FRMD4A: variants seen among roughly 807,000 people sequenced by gnomAD.
FRMD4A encodes the protein FERM domain-containing protein 4A.
In FRMD4A, 29 loss-of-function variants were observed where a neutral mutation model predicts 129.1. The observed-to-expected ratio is 0.22, with a 90% CI of 0.17 to 0.31. FRMD4A has a LOEUF of 0.31. Among genes scored for constraint, FRMD4A ranks in the 10% least tolerant of loss-of-function variants. FRMD4A has a pLI of 1.00. For synonymous variants in FRMD4A, 634 were observed against 571.6 expected (o/e 1.11, Z -1.56); for missense variants, 1,272 against 1,375.8 (o/e 0.92, Z 1.19).
At chr10:14,325,188 G>A (rs1018291955) in intron 2 of FRMD4A, among the ~76,000 whole-genome samples, 10 of 152,180 alleles carry the variant, frequency 6.6e-5, no homozygotes, top group African/African-American at 2.2e-4. Context: ...TATGCTTTTT[G>A]ACAGTTGGGA....
At chr10:13,713,728 C>A (rs1165427882) in intron 12 of FRMD4A, among the ~76,000 whole-genome samples, 1 of 148,900 alleles carries the variant, frequency 6.7e-6, no homozygotes, top group Non-Finnish European at 1.5e-5. Context: ...GCTATTGGAG[C>A]ACAGCCGGTT....
chr10:13,653,340 CCT>C (rs1271344371), intron 23 of FRMD4A: 1 of 152,230 alleles, frequency 6.6e-6, no homozygotes, highest in Non-Finnish European at 1.5e-5. Flanking sequence ...GTGGTGAAAC[CCT>C]GTCTCTACTA....
intron 2 of FRMD4A, among the ~76,000 whole-genome samples, chr10:14,296,403 G>A (rs895799649): frequency 6.6e-6 from 1 of 152,108 alleles, no homozygotes; most frequent in Non-Finnish European, 1.5e-5. Flanking sequence ...CCTGAGAACA[G>A]CCCTCCTGCC....
intron 5 of FRMD4A, among the ~76,000 whole-genome samples, chr10:13,790,203 G>A (rs1250037403): frequency 6.6e-6 from 1 of 152,146 alleles, no homozygotes; most frequent in East Asian, 1.9e-4. Flanking sequence ...CTGGTTTTGG[G>A]GGCTGCAGGG....
intron 21 of FRMD4A, 140 bp downstream of exon 21, chr10:13,659,182 TG>T: frequency 1.3e-6 from 1 of 775,686 alleles, no homozygotes; most frequent in South Asian, 1.6e-5. Flanking sequence ...GCTGCCAGCT[TG>T]GTTTTTTATT....
intron 2 of FRMD4A, among the ~76,000 whole-genome samples, chr10:14,255,346 T>C (rs1844571310): frequency 2.6e-5 from 4 of 152,172 alleles, no homozygotes; most frequent in African/African-American, 9.7e-5. Flanking sequence ...GTCTTCCACA[T>C]GTGGACAGAG....
chr10:13,888,521 T>C (rs985238967), intron 2 of FRMD4A, among the ~76,000 whole-genome samples: 5 of 152,188 alleles, frequency 3.3e-5, no homozygotes, highest in African/African-American at 1.2e-4. Flanking sequence ...TACTTGCTGA[T>C]TCTATTAAGG....
intron 2 of FRMD4A, among the ~76,000 whole-genome samples, chr10:13,963,019 G>A (rs1452807098): frequency 6.6e-6 from 1 of 152,182 alleles, no homozygotes; most frequent in Non-Finnish European, 1.5e-5. Flanking sequence ...ATTTGAAAAT[G>A]TAAGAAGTGA....
At chr10:14,166,632 C>G (rs180818122) in intron 2 of FRMD4A, among the ~76,000 whole-genome samples, 1 of 152,204 alleles carries the variant, frequency 6.6e-6, no homozygotes, top group Non-Finnish European at 1.5e-5. Context: ...GGTAGAGCCC[C>G]CTTTACACCT....
At chr10:14,063,926 T>C (rs536235778) in intron 2 of FRMD4A, among the ~76,000 whole-genome samples, 6 of 152,210 alleles carry the variant, frequency 3.9e-5, no homozygotes, top group African/African-American at 1.4e-4. Context: ...AAAATAGAAA[T>C]TTTACAGCTT....
chr10:13,837,069 G>T lies in FRMD4A; in HGVS notation c.111+21778C>A, dbSNP rs565954560. Among the ~76,000 whole-genome samples the T allele has an allele frequency of 8.2e-5, 12 of 146,942 alleles. No individual in the cohort carries two copies. In the East Asian group the frequency reaches 2.4e-3, roughly 29 times the overall value. On this transcript the variant is annotated intron_variant, in intron 3 of 24. Transcript: ENST00000357447. ...ACCGCACCCGGCCGGTTCCTCAGTGGTTCTTAAGCAAATGTGCCCACATCT... is the reference window on the plus strand; with the variant it reads ...ACCGCACCCGGCCGGTTCCTCAGTGTTTCTTAAGCAAATGTGCCCACATCT...
At chr10:13,704,326 C>G (rs1041672626) in intron 13 of FRMD4A, among the ~76,000 whole-genome samples, 11 of 152,202 alleles carry the variant, frequency 7.2e-5, no homozygotes, top group Non-Finnish European at 1.3e-4. Flanking sequence ...GCCTCTCCCC[C>G]ATTCCTGCCT....
At chr10:13,976,720 T>C (rs2095543395) in intron 2 of FRMD4A, among the ~76,000 whole-genome samples, 1 of 152,166 alleles carries the variant, frequency 6.6e-6, no homozygotes, top group Non-Finnish European at 1.5e-5. Flanking sequence ...CGTGGAGAAG[T>C]ATATTTATAG....
chr10:13,909,304 T>C (rs2094915918), intron 2 of FRMD4A, among the ~76,000 whole-genome samples: 1 of 152,228 alleles, frequency 6.6e-6, no homozygotes, highest in African/African-American at 2.4e-5. Context: ...AGGATAAACA[T>C]TTGGAAGTAA....
At chr10:13,834,282 C>A (rs1214835185) in intron 3 of FRMD4A, among the ~76,000 whole-genome samples, 11 of 151,704 alleles carry the variant, frequency 7.3e-5, no homozygotes, top group African/African-American at 2.7e-4. Context: ...ACAACAACAA[C>A]AAAACAAAAC....
chr10:13,961,571 T>C lies in FRMD4A; in HGVS notation c.46-102659A>G, dbSNP rs546809703. On this transcript the variant is annotated intron_variant, in intron 2 of 24. Coordinates refer to ENST00000357447, the MANE Select transcript of FRMD4A (RefSeq NM_018027.5). ...ATAGCAACTTTGGTTTGATACCAAA[T>C]GTGACTTCTGCCCATTCACCTCCCA... 3.9e-5 allele frequency among the ~76,000 whole-genome samples: 6 copies of C among 152,352 alleles called. No homozygotes were observed. In the East Asian group the frequency reaches 1.2e-3, roughly 29 times the overall value.
At chr10:14,126,422 G>C (rs551267058) in intron 2 of FRMD4A, among the ~76,000 whole-genome samples, 1 of 152,144 alleles carries the variant, frequency 6.6e-6, no homozygotes, top group South Asian at 2.1e-4. Context: ...ACCTGCCTCA[G>C]CCTCCTAAAG....
intron 2 of FRMD4A, among the ~76,000 whole-genome samples, chr10:14,243,201 G>A (rs1844112030): frequency 6.6e-6 from 1 of 152,140 alleles, no homozygotes; most frequent in Admixed American, 6.6e-5. Context: ...ATATAGTTTG[G>A]CTCTGTGTCC....
intron 3 of FRMD4A, among the ~76,000 whole-genome samples, chr10:13,842,321 T>C (rs1476042676): frequency 6.6e-6 from 1 of 152,206 alleles, no homozygotes; most frequent in Non-Finnish European, 1.5e-5. Context: ...CTCAAATAAA[T>C]GAGGAAACAG....
Sources: gnomAD v4.1 joint callset for allele counts (sites outside exome capture counted in the v4.1 genomes callset) on GRCh38, gnomAD v4.1.1 for gene constraint, MANE v1.5 for transcripts, NCBI Gene and HGNC (gene_info 2026-07-23, HGNC 2026-07-21) for gene names.